The following ZBTB38 variants were observed in gnomAD, a reference collection of about 807,000 sequenced individuals.
ZBTB38 encodes zinc finger and BTB domain-containing protein 38.
ZBTB38 carries 20 observed loss-of-function variants against 76.8 expected under a neutral mutation model. That is an observed-to-expected ratio of 0.26 (90% confidence interval 0.18 to 0.38). The LOEUF is 0.38. ZBTB38 is among the 10% of genes least tolerant of loss of function. The probability of loss-of-function intolerance (pLI) is 1.00; values close to 1 mark genes in which losing one functional copy is unlikely to be tolerated. For synonymous variants in ZBTB38, 504 were observed against 544.2 expected, an observed-to-expected ratio of 0.93 and a Z score of 1.03; for missense variants, 1,082 against 1,482.3, an observed-to-expected ratio of 0.73 and a Z score of 4.43.
intron 1 of ZBTB38, among the ~76,000 whole-genome samples, chr3:141,325,496 A>G (rs1046860774): frequency 6.6e-6 from 1 of 152,224 alleles, no homozygotes; most frequent in Non-Finnish European, 1.5e-5. Context: ...TGTTAAGACT[A>G]AGGGATTCTT....
intron 1 of ZBTB38, among the ~76,000 whole-genome samples, chr3:141,331,707 G>A (rs1277581614): frequency 6.6e-6 from 1 of 152,216 alleles, no homozygotes; most frequent in Non-Finnish European, 1.5e-5. Context: ...CTGAGGCTGA[G>A]CCTGAGGCTG....
intron 1 of ZBTB38, among the ~76,000 whole-genome samples, chr3:141,355,061 T>G (rs891554058): frequency 1.2e-4 from 18 of 152,050 alleles, no homozygotes; most frequent in African/African-American, 4.3e-4. Context: ...CATGCTTAGT[T>G]TATATTCTCT....
At chr3:141,361,245 G>A (rs962738378) in intron 1 of ZBTB38, among the ~76,000 whole-genome samples, 17 of 152,140 alleles carry the variant, frequency 1.1e-4, no homozygotes, top group Non-Finnish European at 8.8e-5. Flanking sequence ...ATGGCGGGGA[G>A]GGGAGGGCAA....
chr3:141,374,441 G>A (rs886571944), intron 2 of ZBTB38, among the ~76,000 whole-genome samples: 1 of 152,096 alleles, frequency 6.6e-6, no homozygotes, highest in Admixed American at 6.5e-5. Flanking sequence ...AGTGCATTGG[G>A]ATAAGGAGGC....
At chr3:141,398,090 A>T (rs938871782) in intron 4 of ZBTB38, among the ~76,000 whole-genome samples, 2 of 152,222 alleles carry the variant, frequency 1.3e-5, no homozygotes, top group Non-Finnish European at 2.9e-5. Flanking sequence ...TTTTCCCAAT[A>T]ATTAAAAAAT....
chr3:141,448,034 A>G lies in ZBTB38; in HGVS notation c.*2058A>G, dbSNP rs1241599036. The G allele has an allele frequency of 6.6e-6, 1 of 152,652 alleles. No homozygotes were observed. Among genetic ancestry groups the G allele is most frequent in the African/African-American group, 2.4e-5 (1 of 41,464 alleles). 9.5% of individuals were successfully genotyped at this position (152,652 alleles called of 1,614,324 possible). ...AAGGGCTTACGAAAATCATTTTTGAATTGATAATTAGAATATTGAATAAGC... is the reference window on the plus strand; with the variant it reads ...AAGGGCTTACGAAAATCATTTTTGAGTTGATAATTAGAATATTGAATAAGC... On this transcript the variant is annotated 3_prime_UTR_variant, in exon 6 of 6. Transcript: ENST00000321464.
At chr3:141,403,264 C>T (rs1952994779) in intron 4 of ZBTB38, 1 of 152,178 alleles carries the variant, frequency 6.6e-6, no homozygotes, top group Non-Finnish European at 1.5e-5. Context: ...AGGTTAAAGA[C>T]TTTTCTTCTG....
At chr3:141,417,506 C>T (rs748406352) in intron 5 of ZBTB38, among the ~76,000 whole-genome samples, 1 of 152,214 alleles carries the variant, frequency 6.6e-6, no homozygotes, top group East Asian at 1.9e-4. Flanking sequence ...TGCCTTTCCC[C>T]TAATTTCCAG....
Position 141,449,200 on chromosome 3 carries a change from C to G in ZBTB38, c.*3224C>G, listed in dbSNP as rs559589896. The G allele has an allele frequency of 2.1e-4, 32 of 152,234 alleles. No homozygotes were observed. Among genetic ancestry groups the G allele is most frequent in the Admixed American group, 1.4e-3 (21 of 15,288 alleles). 9.4% of individuals were successfully genotyped at this position (152,234 alleles called of 1,614,324 possible). A position where few individuals can be genotyped will look rare whatever the true frequency, so the allele number is the denominator to read the frequency against. On this transcript the variant is annotated 3_prime_UTR_variant, in exon 6 of 6. Transcript: ENST00000321464. Reference sequence around the variant, plus strand: ...CCCATGTTTTTGTTCCTTCTCAACACTGTAGAGAAAAATCATTTATAGAAA... The same window carrying G: ...CCCATGTTTTTGTTCCTTCTCAACAGTGTAGAGAAAAATCATTTATAGAAA...
At chr3:141,378,765 A>T (rs778950197) in intron 2 of ZBTB38, among the ~76,000 whole-genome samples, 4 of 152,168 alleles carry the variant, frequency 2.6e-5, no homozygotes, top group Non-Finnish European at 4.4e-5. Flanking sequence ...CCCATCTCGG[A>T]TGGAATCAAA....
chr3:141,431,341 A>AATATATAT (rs1553771301), intron 5 of ZBTB38, among the ~76,000 whole-genome samples: 1 of 103,280 alleles, frequency 9.7e-6, no homozygotes, highest in African/African-American at 6.0e-5. Context: ...AAAAAAAAAA[A>AATATATAT]ATATATATAT....
intron 1 of ZBTB38, among the ~76,000 whole-genome samples, chr3:141,342,986 C>T (rs963440503): frequency 1.8e-4 from 27 of 152,098 alleles, no homozygotes; most frequent in African/African-American, 6.3e-4. Flanking sequence ...GAGCTGTGTT[C>T]CATCTCCATT....
chr3:141,426,014 C>A, intron 5 of ZBTB38: 1 of 536,238 alleles, frequency 1.9e-6, no homozygotes, highest in Non-Finnish European at 3.2e-6. Flanking sequence ...GGTGTTGGGA[C>A]ACAGCTTGGA....
chr3:141,444,165 A>G lies in ZBTB38; in HGVS notation c.1777A>G (p.Ser593Gly), dbSNP rs2080771358. ...NSSYENAREN[S>G]QMNESAPGTY... ...TTCCTATGAAAATGCACGAGAAAAC[A>G]GTCAAATGAATGAGTCTGCACCTGG... The change falls in exon 6 of 6, where the codon AGT becomes GGT. Residue 593 changes from serine (S) to glycine (G), a missense_variant. Physicochemically the swap from Ser to Gly is moderately conservative, Grantham distance 56 (BLOSUM62 0). Transcript: ENST00000321464. This position sits in a 1 kb window ranked among gnomAD's most constrained non-coding sequence, Gnocchi z 5.1. The G allele has an allele frequency of 1.9e-6, 3 of 1,614,154 alleles. No homozygotes were observed. Among genetic ancestry groups the G allele is most frequent in the Non-Finnish European group, 2.5e-6 (3 of 1,179,990 alleles).
At chr3:141,382,107 T>C (rs914540633) in intron 3 of ZBTB38, among the ~76,000 whole-genome samples, 6 of 152,202 alleles carry the variant, frequency 3.9e-5, no homozygotes, top group African/African-American at 1.4e-4. Context: ...AGGTCAGTTT[T>C]AGCCGGGCAC....
chr3:141,399,746 T>C (rs1216156299), intron 4 of ZBTB38, among the ~76,000 whole-genome samples: 1 of 152,148 alleles, frequency 6.6e-6, no homozygotes, highest in Admixed American at 6.5e-5. Flanking sequence ...TTTAATATAT[T>C]ATAATATTGA....
In ZBTB38 at chr3:141,442,415, C is replaced by T; in HGVS notation, c.27C>T (p.Asp9=). 1 of 1,613,848 alleles carries T rather than the reference C, an allele frequency of 6.2e-7. No homozygotes were observed. The stretch of plus-strand genomic sequence containing the variant: ...TGACAGTCATGTCCCTTTCCAGGGA[C>T]CTCAAGGACGACTTTCACAGTGACA... MTVMSLSR[D]LKDDFHSDTV... is the part of the protein sequence containing the mutation. The change falls in exon 6 of 6, where the codon GAC becomes GAT. Residue 9 remains aspartate, a synonymous_variant. Coordinates refer to ENST00000321464, the MANE Select transcript of ZBTB38 (RefSeq NM_001376113.1). This position sits in a 1 kb window ranked among gnomAD's most constrained non-coding sequence, Gnocchi z 6.4.
chr3:141,443,390 C>T lies in ZBTB38; in HGVS notation c.1002C>T (p.Ala334=), dbSNP rs748178500. The T allele has an allele frequency of 4.8e-5, 77 of 1,614,102 alleles. No individual in the cohort carries two copies. Among genetic ancestry groups the T allele is most frequent in the Admixed American group, 4.3e-4 (26 of 60,006 alleles). Residue 334 remains alanine, a synonymous_variant, in exon 6 of 6, where the codon GCC becomes GCT. Transcript: ENST00000321464. The surrounding 1 kb of genome is among the most constrained non-coding windows in gnomAD (Gnocchi z 5.6). ...NQSSDVPGPP[A]AEVPPLVYNC... ...CTTCTGATGTTCCCGGGCCGCCAGC[C>T]GCAGAGGTTCCACCTCTGGTGTACA... is the stretch of plus-strand genomic sequence containing the variant.
chr3:141,415,909 G>A (rs2073925256), intron 5 of ZBTB38, among the ~76,000 whole-genome samples: 1 of 152,104 alleles, frequency 6.6e-6, no homozygotes, highest in Non-Finnish European at 1.5e-5. Flanking sequence ...CTATTTTAGG[G>A]GACAGAAAAC....
Sources: gnomAD v4.1 joint callset for allele counts (sites outside exome capture counted in the v4.1 genomes callset) on GRCh38, gnomAD v4.1.1 for gene constraint, Gnocchi (gnomAD v3.1) non-coding constraint, MANE v1.5 for transcripts, NCBI Gene and HGNC (gene_info 2026-07-23, HGNC 2026-07-21) for gene names.